POLR1B: variants seen among roughly 807,000 people sequenced by gnomAD.
POLR1B encodes RNA polymerase I subunit B, also known as DNA-directed RNA polymerase I subunit RPA2.
In POLR1B, 30 loss-of-function variants were observed where a neutral mutation model predicts 105.8. The observed-to-expected ratio is 0.28, with a 90% CI of 0.21 to 0.38. The LOEUF (loss-of-function observed/expected upper bound fraction) is 0.38, where lower values mean the gene tolerates loss of function less well. POLR1B is among the 10% of genes least tolerant of loss of function. The pLI, the probability that POLR1B is intolerant of heterozygous loss-of-function variation, is 1.00. For missense variants in POLR1B, 976 were observed against 1,435.8 expected (o/e 0.68, Z 5.17); for synonymous variants, 485 against 505.1 (o/e 0.96, Z 0.53).
chr2:112,568,208 TCTTC>T (rs1404444776), intron 11 of POLR1B, 71 bp downstream of exon 11: 17 of 1,426,484 alleles, frequency 1.2e-5, no homozygotes, highest in Non-Finnish European at 1.6e-5. Context: ...GAGACTTAAC[TCTTC>T]CTTTTTTAAA....
rs1001447139 is a variant in POLR1B at position 112,578,353 on chromosome 2, C to T, written c.*2624C>T. ...TCTACCTCTGTCCCCCATTTCTAACCCCTGGAAACCACTAATCTGTTCTTC... is the reference window on the plus strand; with the variant it reads ...TCTACCTCTGTCCCCCATTTCTAACTCCTGGAAACCACTAATCTGTTCTTC... On this transcript the variant is annotated 3_prime_UTR_variant, in exon 15 of 15. Coordinates refer to ENST00000263331, the MANE Select transcript of POLR1B (RefSeq NM_019014.6). Among the ~76,000 whole-genome samples the T allele has an allele frequency of 6.6e-6, 1 of 152,112 alleles. No homozygotes were observed. Among genetic ancestry groups the T allele is most frequent in the Non-Finnish European group, 1.5e-5 (1 of 68,018 alleles).
Position 112,547,579 on chromosome 2 carries a change from C to T in POLR1B, c.492+12C>T, listed in dbSNP as rs375669994. On this transcript the variant is annotated intron_variant, in intron 3 of 14. Transcript: ENST00000263331. ...ATGAGGAGGCAGAGGTAATGACGGG[C>T]GTCCAGGCATGAGACAGTAGAGAAG... 3.1e-6 allele frequency: 5 copies of T among 1,612,740 alleles called. No homozygotes were observed. Among genetic ancestry groups the T allele is most frequent in the East Asian group, 2.2e-5 (1 of 44,882 alleles).
chr2:112,566,735 CTT>C (rs35459414), intron 10 of POLR1B, among the ~76,000 whole-genome samples: 52 of 142,308 alleles, frequency 3.7e-4, no homozygotes, highest in Non-Finnish European at 3.5e-4. Flanking sequence ...AATCATTCCT[CTT>C]TTTTTTTTTT....
rs775626652 is a variant in POLR1B, at chr2:112,547,425, A to G, written c.350A>G (p.Asp117Gly). ...TTTTCTCTTGTTTTCATTTAGGCTGATATCAACTGGGCAGTGAATGGAATC... is the reference window on the plus strand; with the variant it reads ...TTTTCTCTTGTTTTCATTTAGGCTGGTATCAACTGGGCAGTGAATGGAATC... ...RSTYRGKLTADINWAVNGISK... is the reference protein window; with the variant it reads ...RSTYRGKLTAGINWAVNGISK... The change falls in exon 3 of 15, where the codon GAT becomes GGT. Residue 117 changes from aspartate (D) to glycine (G), a missense_variant. Coordinates refer to ENST00000263331, the MANE Select transcript of POLR1B (RefSeq NM_019014.6). The G allele has an allele frequency of 1.7e-5, 28 of 1,613,670 alleles. No homozygotes were observed. In the Middle Eastern group the frequency reaches 8.2e-4, roughly 47 times the overall value.
chr2:112,549,209 A>G (rs1683231453), intron 3 of POLR1B, 58 bp from the exon 4 acceptor site: 19 of 1,588,992 alleles, frequency 1.2e-5, no homozygotes, highest in Admixed American at 1.7e-5. Context: ...AGTGAGGTTC[A>G]TGTTTACAGT....
chr2:112,542,796 G>A, intron 1 of POLR1B, 125 bp downstream of exon 1: 1 of 1,264,858 alleles, frequency 7.9e-7, no homozygotes, highest in Non-Finnish European at 1.1e-6. Context: ...TGGGTAAGCG[G>A]GAGAGCACAA....
intron 3 of POLR1B, among the ~76,000 whole-genome samples, chr2:112,547,978 G>C (rs1683146031): frequency 6.6e-6 from 1 of 152,080 alleles, no homozygotes; most frequent in African/African-American, 2.4e-5. Context: ...GTTGAGCCCA[G>C]GAGGCCTCAC....
At chr2:112,548,826 A>G (rs1683204724) in intron 3 of POLR1B, among the ~76,000 whole-genome samples, 1 of 152,080 alleles carries the variant, frequency 6.6e-6, no homozygotes, top group South Asian at 2.1e-4. Context: ...GTTAGCCAGG[A>G]TGGTCTTGAT....
chr2:112,543,886 C>G (rs922891131), intron 1 of POLR1B, among the ~76,000 whole-genome samples: 1 of 151,902 alleles, frequency 6.6e-6, no homozygotes, highest in Non-Finnish European at 1.5e-5. Context: ...GATTTCAAGA[C>G]CAGCTTGGAT....
rs1374063639 is a variant in POLR1B, at chr2:112,568,856, C to T, written c.2028C>T (p.Phe676=). The T allele has an allele frequency of 6.2e-7, 1 of 1,614,188 alleles. No individual in the cohort carries two copies. The highest frequency in any genetic ancestry group is 1.1e-5 in the South Asian group (1 of 91,088). The part of the protein sequence containing the change: ...LLSVIANFIP[F]SDHNQSPRNM... ...GTGTGATTGCCAACTTCATCCCTTT[C>T]TCTGATCACAACCAGAGTCCACGGA... The change falls in exon 12 of 15, where the codon TTC becomes TTT. Residue 676 remains phenylalanine (F), a synonymous_variant. Coordinates refer to ENST00000263331, the MANE Select transcript of POLR1B (RefSeq NM_019014.6).
At chr2:112,542,127 C>T, upstream of POLR1B, 1 of 1,535,722 alleles carries the variant, frequency 6.5e-7, no homozygotes, top group South Asian at 1.2e-5. Context: ...AGACCGCTCT[C>T]CTCCGATCCT....
At chr2:112,570,309 A>G (rs1454350400) in intron 12 of POLR1B, among the ~76,000 whole-genome samples, 1 of 152,106 alleles carries the variant, frequency 6.6e-6, no homozygotes, top group African/African-American at 2.4e-5. Flanking sequence ...CAGCCTCCCA[A>G]AATGCTGGGG....
intron 9 of POLR1B, among the ~76,000 whole-genome samples, chr2:112,562,371 C>T (rs1180080904): frequency 6.6e-6 from 1 of 152,106 alleles, no homozygotes; most frequent in Non-Finnish European, 1.5e-5. Flanking sequence ...CCCCTGTCCC[C>T]TTGCTACTTC....
At chr2:112,567,649 G>A (rs1262710745) in intron 10 of POLR1B, among the ~76,000 whole-genome samples, 1 of 152,114 alleles carries the variant, frequency 6.6e-6, no homozygotes, top group Non-Finnish European at 1.5e-5. Context: ...AAAGTGCTGG[G>A]ATTACAGGTA....
intron 12 of POLR1B, 64 bp from the exon 13 acceptor site, chr2:112,572,498 C>G (rs191159973): frequency 1.7e-6 from 2 of 1,185,584 alleles, no homozygotes; most frequent in East Asian, 5.1e-5. Flanking sequence ...TCCAGTGTTG[C>G]GTATCACACC....
intron 14 of POLR1B, among the ~76,000 whole-genome samples, chr2:112,574,479 G>A (rs988639017): frequency 6.6e-6 from 1 of 151,990 alleles, no homozygotes; most frequent in Non-Finnish European, 1.5e-5. Flanking sequence ...CAACACTTTG[G>A]GAGACCAAAA....
rs781504774 is a variant in POLR1B, at chr2:112,559,197, CT to C, written c.1331-95del. ...ATGTTGTAATAATTCATTCTATGATCTGTAGAGTGCTCTGAGGTTTTGTCGT... is the reference window on the plus strand; with the variant it reads ...ATGTTGTAATAATTCATTCTATGATCGTAGAGTGCTCTGAGGTTTTGTCGT... On this transcript the variant is annotated intron_variant, in intron 8 of 14. Transcript: ENST00000263331. 1,884 of 1,347,482 alleles carry C rather than the reference CT, an allele frequency of 1.4e-3. 4 individuals are homozygous for C. Among genetic ancestry groups the C allele is most frequent in the Non-Finnish European group, 1.8e-3 (1,730 of 969,758 alleles). The allele number at this position is 1,347,482 out of a possible 1,614,324, so 83.5% of individuals were successfully genotyped here.
intron 7 of POLR1B, among the ~76,000 whole-genome samples, chr2:112,556,645 T>C (rs1273194159): frequency 6.6e-6 from 1 of 152,184 alleles, no homozygotes; most frequent in African/African-American, 2.4e-5. Flanking sequence ...ATGTGTTGAC[T>C]CAGGGGCCTG....
chr2:112,563,564 A>T (rs1029889424), intron 9 of POLR1B, among the ~76,000 whole-genome samples: 1 of 152,088 alleles, frequency 6.6e-6, no homozygotes, highest in African/African-American at 2.4e-5. Context: ...CATTTCAACA[A>T]TGTTTACAGC....
Sources: gnomAD v4.1 joint callset for allele counts (sites outside exome capture counted in the v4.1 genomes callset) on GRCh38, gnomAD v4.1.1 for gene constraint, MANE v1.5 for transcripts, NCBI Gene and HGNC (gene_info 2026-07-23, HGNC 2026-07-21) for gene names.